ZBTB20: variants seen among roughly 807,000 people sequenced by gnomAD.
ZBTB20 encodes zinc finger and BTB domain-containing protein 20.
A neutral mutation model predicts 56.9 loss-of-function variants in ZBTB20; 9 were observed. The ratio of observed to expected loss-of-function variants is 0.16; its 90% CI spans 0.10 to 0.28. ZBTB20 has a LOEUF of 0.28. ZBTB20 is among the 10% of genes least tolerant of loss of function. The probability of loss-of-function intolerance (pLI) is 1.00; values close to 1 mark genes in which losing one functional copy is unlikely to be tolerated. For missense variants in ZBTB20, 655 were observed against 1,003.0 expected (o/e 0.65, Z 4.69); for synonymous variants, 417 against 420.7 (o/e 0.99, Z 0.11).
At chr3:114,826,827 A>G (rs191258310) in intron 4 of ZBTB20, among the ~76,000 whole-genome samples, 1 of 151,734 alleles carries the variant, frequency 6.6e-6, no homozygotes, top group Non-Finnish European at 1.5e-5. Context: ...AGACATGTCT[A>G]TAAGTTATTA....
chr3:115,044,981 G>T (rs769907321), intron 2 of ZBTB20, among the ~76,000 whole-genome samples: 1 of 152,190 alleles, frequency 6.6e-6, no homozygotes, highest in African/African-American at 2.4e-5. Flanking sequence ...GTATGCCTAT[G>T]AATAAGGAAA....
At chr3:114,664,223 G>A (rs2060916013) in intron 6 of ZBTB20, among the ~76,000 whole-genome samples, 2 of 152,018 alleles carry the variant, frequency 1.3e-5, no homozygotes, top group South Asian at 4.1e-4. Context: ...TGTCAAGTTT[G>A]TGGTTGCCCT....
intron 6 of ZBTB20, among the ~76,000 whole-genome samples, chr3:114,666,313 C>A (rs565633582): frequency 1.3e-5 from 2 of 152,108 alleles, no homozygotes; most frequent in African/African-American, 4.8e-5. Context: ...AGAAATTTTA[C>A]AAGTTAACAG....
chr3:114,819,854 G>T (rs1363094576), intron 4 of ZBTB20, among the ~76,000 whole-genome samples: 1 of 151,604 alleles, frequency 6.6e-6, no homozygotes, highest in Admixed American at 6.6e-5. Flanking sequence ...AACTACATGA[G>T]TAAAGACCAC....
At chr3:114,481,901 G>T (rs971647577) in intron 7 of ZBTB20, among the ~76,000 whole-genome samples, 1 of 152,182 alleles carries the variant, frequency 6.6e-6, no homozygotes. Context: ...AACGGTGGGG[G>T]AAATCTCTGG....
At chr3:115,137,265 G>T (rs1030880990) in intron 1 of ZBTB20, among the ~76,000 whole-genome samples, 1 of 152,014 alleles carries the variant, frequency 6.6e-6, no homozygotes, top group Non-Finnish European at 1.5e-5. Context: ...TAGCTTAACA[G>T]TAAACATTAT....
intron 1 of ZBTB20, among the ~76,000 whole-genome samples, chr3:115,090,119 C>G (rs1240726012): frequency 6.6e-6 from 1 of 151,680 alleles, no homozygotes; most frequent in African/African-American, 2.4e-5. Context: ...GGGAGTAGAA[C>G]CTAGGAATCT....
chr3:114,339,843 C>T lies in ZBTB20; in HGVS notation c.1805-417G>A, dbSNP rs781309918. Among the ~76,000 whole-genome samples the T allele has an allele frequency of 6.6e-6, 1 of 152,118 alleles. No individual in the cohort carries two copies. Among genetic ancestry groups the T allele is most frequent in the Non-Finnish European group, 1.5e-5 (1 of 68,026 alleles). ...AGAAGAAATAAGAGAGAAGAAAGATCGTTGGAGACATGGGGTGCTCTAGAA... is the reference window on the plus strand; with the variant it reads ...AGAAGAAATAAGAGAGAAGAAAGATTGTTGGAGACATGGGGTGCTCTAGAA... On this transcript the variant is annotated intron_variant, in intron 11 of 11. Transcript: ENST00000675478. The surrounding 1 kb of genome is among the most constrained non-coding windows in gnomAD (Gnocchi z 4.2).
chr3:114,361,092 A>T lies in ZBTB20; in HGVS notation c.200-9214T>A, dbSNP rs114244982. On this transcript the variant is annotated intron_variant, in intron 10 of 11. Transcript: ENST00000675478. The stretch of plus-strand genomic sequence containing the variant: ...TATTATTTACATATTGTCAAAAAAG[A>T]CATTGAGCTATAGAAGTCTCCTATA... Among the ~76,000 whole-genome samples, 989 of 152,298 alleles carry T rather than the reference A, an allele frequency of 6.5e-3. 5 individuals are homozygous for T. Among genetic ancestry groups the T allele is most frequent in the African/African-American group, 0.022 (925 of 41,584 alleles).
intron 5 of ZBTB20, among the ~76,000 whole-genome samples, chr3:114,732,212 T>C (rs1268329190): frequency 6.6e-6 from 1 of 152,190 alleles, no homozygotes. Context: ...ACATCTCTAG[T>C]TATCTAACAT....
intron 3 of ZBTB20, among the ~76,000 whole-genome samples, chr3:114,926,623 A>C (rs925362672): frequency 2.0e-5 from 3 of 152,256 alleles, no homozygotes; most frequent in Admixed American, 1.3e-4. Flanking sequence ...GGCTGAACAA[A>C]GGCAGATGAA....
chr3:114,958,763 A>G (rs372076270), intron 3 of ZBTB20, among the ~76,000 whole-genome samples: 9 of 151,892 alleles, frequency 5.9e-5, no homozygotes, highest in African/African-American at 2.2e-4. Context: ...CAGGAGAATC[A>G]CTTGAAACTA....
At chr3:114,593,768 G>A (rs2056041546) in intron 6 of ZBTB20, among the ~76,000 whole-genome samples, 1 of 152,128 alleles carries the variant, frequency 6.6e-6, no homozygotes, top group South Asian at 2.1e-4. Flanking sequence ...GTGTCTTTTG[G>A]AGCAAGGGTG....
chr3:114,430,619 T>G (rs2108884214), intron 7 of ZBTB20, among the ~76,000 whole-genome samples: 1 of 152,312 alleles, frequency 6.6e-6, no homozygotes, highest in East Asian at 1.9e-4. Context: ...AGAATATTGA[T>G]GTAGAAAATT....
At chr3:115,053,825 T>C (rs2081646215) in intron 2 of ZBTB20, among the ~76,000 whole-genome samples, 1 of 151,810 alleles carries the variant, frequency 6.6e-6, no homozygotes, top group Admixed American at 6.6e-5. Flanking sequence ...TCCAGAAAAA[T>C]AAAGAGGAAA....
intron 11 of ZBTB20, among the ~76,000 whole-genome samples, chr3:114,343,978 G>A (rs1230390109): frequency 6.6e-6 from 1 of 152,106 alleles, no homozygotes. Context: ...GAACCCGGGA[G>A]GTGGAGGTTG....
intron 4 of ZBTB20, among the ~76,000 whole-genome samples, chr3:114,830,448 C>T (rs1294225668): frequency 1.3e-5 from 2 of 151,910 alleles, no homozygotes; most frequent in East Asian, 3.9e-4. Flanking sequence ...CCTGCTAAGC[C>T]AAGCTTCCTT....
chr3:114,785,020 G>T (rs779658839), intron 5 of ZBTB20, among the ~76,000 whole-genome samples: 1 of 152,090 alleles, frequency 6.6e-6, no homozygotes, highest in Non-Finnish European at 1.5e-5. Flanking sequence ...AGATCACCAG[G>T]GTAGTAACGG....
At chr3:114,455,117 A>G (rs2109070227) in intron 7 of ZBTB20, among the ~76,000 whole-genome samples, 1 of 150,856 alleles carries the variant, frequency 6.6e-6, no homozygotes, top group South Asian at 2.1e-4. Flanking sequence ...TGTGTGAGAA[A>G]AAGACTGATT....
Sources: gnomAD v4.1 joint callset for allele counts (sites outside exome capture counted in the v4.1 genomes callset) on GRCh38, gnomAD v4.1.1 for gene constraint, Gnocchi (gnomAD v3.1) non-coding constraint, MANE v1.5 for transcripts, NCBI Gene and HGNC (gene_info 2026-07-23, HGNC 2026-07-21) for gene names.